CDC45: variants seen among roughly 807,000 people sequenced by gnomAD.
CDC45 encodes cell division cycle 45.
In CDC45, 54 loss-of-function variants were observed where a neutral mutation model predicts 77.8. That is an observed-to-expected ratio of 0.69 (90% confidence interval 0.56 to 0.87). The LOEUF is 0.87. CDC45 is among the 40% of genes least tolerant of loss of function. CDC45 has a pLI of 0.00. For synonymous variants in CDC45, 260 were observed against 272.1 expected, an observed-to-expected ratio of 0.96 and a Z score of 0.44; for missense variants, 649 against 721.6, an observed-to-expected ratio of 0.90 and a Z score of 1.15.
At position 19,514,961 on chromosome 22, in the gene CDC45, G is replaced by A. The variant is rs758642029; in HGVS notation, c.1357-4G>A. The A allele has an allele frequency of 4.0e-5, 64 of 1,614,042 alleles. No homozygotes were observed. The highest frequency in any genetic ancestry group is 9.9e-5 in the South Asian group (9 of 91,088). Reference sequence around the variant, plus strand: ...TCGTCTGACCATCTGTCTCGCCTCCGCAGGGCACTCCAGATGTCATGCTGT... The same window carrying A: ...TCGTCTGACCATCTGTCTCGCCTCCACAGGGCACTCCAGATGTCATGCTGT... On this transcript the variant is annotated splice_region_variant and splice_polypyrimidine_tract_variant and intron_variant, in intron 14 of 18. Coordinates refer to ENST00000263201, the MANE Select transcript of CDC45 (RefSeq NM_003504.5).
chr22:19,511,238 T>C (rs368203749), intron 13 of CDC45, among the ~76,000 whole-genome samples: 1 of 152,332 alleles, frequency 6.6e-6, no homozygotes, highest in East Asian at 1.9e-4. Flanking sequence ...ATTTGCATTT[T>C]ACTGATGACT....
chr22:19,492,726 G>A (rs1182080028), intron 5 of CDC45, among the ~76,000 whole-genome samples: 1 of 152,146 alleles, frequency 6.6e-6, no homozygotes, highest in East Asian at 1.9e-4. Context: ...TCTTCTTTAA[G>A]TCTTCTGTTT....
At position 19,516,547 on chromosome 22, in the gene CDC45, A is replaced by G; in HGVS notation, c.1461A>G (p.Lys487=). 1 of 1,613,854 alleles carries G rather than the reference A, an allele frequency of 6.2e-7. No homozygotes were observed. Among genetic ancestry groups the G allele is most frequent in the Admixed American group, 1.7e-5 (1 of 60,012 alleles). ...FVCSTKNRRC[K]LLPLVMAAPL... ...CATAGACAAAGAACCGGCGCTGCAAACTGCTGCCCCTGGTGATGGCTGCCC... is the reference window on the plus strand; with the variant it reads ...CATAGACAAAGAACCGGCGCTGCAAGCTGCTGCCCCTGGTGATGGCTGCCC... The change falls in exon 16 of 19, where the codon AAA becomes AAG. Residue 487 remains lysine (K), a synonymous_variant. Coordinates refer to ENST00000263201, the MANE Select transcript of CDC45 (RefSeq NM_003504.5).
intron 5 of CDC45, among the ~76,000 whole-genome samples, chr22:19,489,117 A>G (rs2090117449): frequency 6.6e-6 from 1 of 152,166 alleles, no homozygotes. Flanking sequence ...TCGAGGCTGC[A>G]GTGAGCTGTG....
intron 15 of CDC45, among the ~76,000 whole-genome samples, chr22:19,515,576 A>G (rs956123383): frequency 1.3e-5 from 2 of 152,234 alleles, no homozygotes; most frequent in African/African-American, 4.8e-5. Flanking sequence ...ATGAGAGTTT[A>G]TGCCGGGGGC....
chr22:19,501,380 G>A (rs1404301722), intron 9 of CDC45, among the ~76,000 whole-genome samples: 3 of 152,176 alleles, frequency 2.0e-5, no homozygotes, highest in Admixed American at 1.3e-4. Context: ...AACCTTCGGT[G>A]CATAAACTGC....
chr22:19,485,169 A>G (rs911082036), intron 5 of CDC45, among the ~76,000 whole-genome samples: 16 of 152,110 alleles, frequency 1.1e-4, no homozygotes, highest in African/African-American at 2.4e-4. Context: ...GCTGCATTTC[A>G]TTGGTTCCCA....
At chr22:19,488,920 A>AT (rs1262918209) in intron 5 of CDC45, among the ~76,000 whole-genome samples, 7 of 152,198 alleles carry the variant, frequency 4.6e-5, no homozygotes, top group Non-Finnish European at 8.8e-5. Context: ...GTAGTATAAT[A>AT]TCACGGTCAG....
At chr22:19,500,357 G>A (rs959097770) in intron 9 of CDC45, among the ~76,000 whole-genome samples, 3 of 152,102 alleles carry the variant, frequency 2.0e-5, no homozygotes, top group Non-Finnish European at 4.4e-5. Flanking sequence ...GGGGAGGGGA[G>A]AAATGAAAAT....
chr22:19,514,579 T>TA (rs1568936069), intron 13 of CDC45, among the ~76,000 whole-genome samples, 170 bp from the exon 14 acceptor site: 1 of 152,270 alleles, frequency 6.6e-6, no homozygotes, highest in South Asian at 2.1e-4. Flanking sequence ...TTATACATTT[T>TA]AAAAAATTCT....
intron 5 of CDC45, among the ~76,000 whole-genome samples, chr22:19,486,425 T>G (rs952207429): frequency 6.6e-6 from 1 of 152,250 alleles, no homozygotes; most frequent in Non-Finnish European, 1.5e-5. Flanking sequence ...CTTTACTGTC[T>G]TAACCTAGAA....
At position 19,479,941 on chromosome 22, in the gene CDC45, G is replaced by T. The variant is rs372934193; in HGVS notation, c.-28G>T. ...CGCCGGGCTCTTGGTACCTCAGCGC[G>T]AGCGCCAGGCGTCCGGCCGCCGTGG... On this transcript the variant is annotated 5_prime_UTR_variant, in exon 1 of 19. Transcript: ENST00000263201. The T allele has an allele frequency of 6.2e-7, 1 of 1,612,226 alleles. No individual in the cohort carries two copies. The highest frequency in any genetic ancestry group is 8.5e-7 in the Non-Finnish European group (1 of 1,179,940).
At chr22:19,502,881 C>A (rs938314725) in intron 9 of CDC45, among the ~76,000 whole-genome samples, 4 of 152,028 alleles carry the variant, frequency 2.6e-5, no homozygotes, top group Non-Finnish European at 5.9e-5. Flanking sequence ...CTTAATAATA[C>A]CAGATTCAAA....
At chr22:19,496,762 G>C (rs1295337615) in intron 7 of CDC45, among the ~76,000 whole-genome samples, 2 of 152,194 alleles carry the variant, frequency 1.3e-5, no homozygotes, top group South Asian at 2.1e-4. Context: ...CGGCAAAGGG[G>C]ATCTTAGGGT....
rs756378048 is a variant in CDC45, at chr22:19,494,414, C to T, written c.542+32C>T. Reference sequence around the variant, plus strand: ...CTGTGCTTCCAGCTGCTCCCAGCACCAGAAGCCCACTTGCCTGGGGGTCTG... The same window carrying T: ...CTGTGCTTCCAGCTGCTCCCAGCACTAGAAGCCCACTTGCCTGGGGGTCTG... On this transcript the variant is annotated intron_variant, in intron 6 of 18. Transcript: ENST00000263201. 4.3e-6 allele frequency: 7 copies of T among 1,610,702 alleles called. No individual in the cohort carries two copies. The South Asian group carries it at 5.5e-5, about 13-fold the overall frequency.
Position 19,497,411 on chromosome 22 carries a change from C to T in CDC45, c.617C>T (p.Ala206Val), listed in dbSNP as rs770420730. ...TCAGCCATGGTGATGTTTGAGCTGG[C>T]TTGGATGCTGTCCAAGGACCTGAAT... ...TSSAMVMFEL[A>V]WMLSKDLNDM... is the part of the protein sequence containing the mutation. The change falls in exon 8 of 19, where the codon GCT becomes GTT. Residue 206 changes from alanine to valine, a missense_variant. Ala to Val is a moderately conservative substitution (Grantham distance 64, BLOSUM62 0). Transcript: ENST00000263201. The T allele has an allele frequency of 6.2e-7, 1 of 1,614,120 alleles. No individual in the cohort carries two copies. The highest frequency in any genetic ancestry group is 8.5e-7 in the Non-Finnish European group (1 of 1,180,004).
intron 5 of CDC45, among the ~76,000 whole-genome samples, chr22:19,485,721 T>C (rs1332829740): frequency 6.6e-6 from 1 of 152,226 alleles, no homozygotes; most frequent in Non-Finnish European, 1.5e-5. Context: ...CAACTTTTTA[T>C]TTTGAAATTT....
At chr22:19,479,916 C>A, upstream of CDC45, 1 of 1,602,836 alleles carries the variant, frequency 6.2e-7, no homozygotes, top group African/African-American at 1.3e-5. Context: ...TCTTGACCGC[C>A]GCCGGGCTCT....
At chr22:19,488,099 C>T (rs769986125) in intron 5 of CDC45, among the ~76,000 whole-genome samples, 13 of 152,080 alleles carry the variant, frequency 8.5e-5, no homozygotes, top group Admixed American at 1.3e-4. Context: ...GCTCAGGTCA[C>T]GGGTTTCAAA....
Sources: gnomAD v4.1 joint callset for allele counts (sites outside exome capture counted in the v4.1 genomes callset) on GRCh38, gnomAD v4.1.1 for gene constraint, MANE v1.5 for transcripts, NCBI Gene and HGNC (gene_info 2026-07-23, HGNC 2026-07-21) for gene names.